ANKFY1: variants seen among roughly 807,000 people sequenced by gnomAD.
ANKFY1 encodes the protein ankyrin repeat and FYVE domain-containing protein 1.
In ANKFY1, 47 loss-of-function variants were observed where a neutral mutation model predicts 128.3. That is an observed-to-expected ratio of 0.37 (90% CI 0.29 to 0.47). ANKFY1 has a LOEUF of 0.47. Ranked by LOEUF, ANKFY1 falls within the 20% of genes least tolerant of loss-of-function variation. The pLI is 1.00. For synonymous variants in ANKFY1, 553 were observed against 601.6 expected (o/e 0.92, Z 1.18); for missense variants, 1,222 against 1,510.6 (o/e 0.81, Z 3.17).
In ANKFY1 at chr17:4,194,992, G is replaced by A. The variant is rs770696002; in HGVS notation, c.1358C>T (p.Pro453Leu). The A allele has an allele frequency of 2.5e-6, 4 of 1,614,214 alleles. No individual in the cohort carries two copies. In the South Asian group the frequency reaches 3.3e-5, roughly 13 times the overall value. ...LIQRGSHTDA[P>L]DTATGNCLLQ... ...ACGTGCTTTACCTGTCGCCGTGTCA[G>A]GTGCGTCTGTGTGGCTGCCGCGCTG... The change falls in exon 10 of 25, where the codon CCT becomes CTT. Residue 453 changes from proline to leucine, a missense_variant. Transcript: ENST00000341657.
chr17:4,179,123 G>A, intron 17 of ANKFY1, 66 bp from the exon 18 acceptor site: 2 of 1,528,460 alleles, frequency 1.3e-6, no homozygotes. Flanking sequence ...ATATGAAAGG[G>A]TATAACTTTT....
intron 7 of ANKFY1, among the ~76,000 whole-genome samples, chr17:4,200,719 CA>C (rs1192276714): frequency 6.6e-6 from 1 of 152,180 alleles, no homozygotes. Context: ...TGGATCTTTC[CA>C]TAGGATGTGC....
intron 11 of ANKFY1, among the ~76,000 whole-genome samples, chr17:4,185,657 C>T (rs552397487): frequency 6.6e-6 from 1 of 152,200 alleles, no homozygotes; most frequent in East Asian, 1.9e-4. Context: ...TCAGTGTCTT[C>T]CCCAAGCACC....
intron 19 of ANKFY1, among the ~76,000 whole-genome samples, 178 bp downstream of exon 19, chr17:4,176,948 T>C (rs1170200019): frequency 6.6e-6 from 1 of 152,210 alleles, no homozygotes; most frequent in Non-Finnish European, 1.5e-5. Flanking sequence ...CGCAGCCCAG[T>C]GGGGCGCTCA....
intron 7 of ANKFY1, among the ~76,000 whole-genome samples, chr17:4,199,631 C>T (rs1052100672): frequency 1.3e-5 from 2 of 152,174 alleles, no homozygotes. Flanking sequence ...TGTGAAAATA[C>T]TTTGTCAGAC....
chr17:4,173,789 C>T, intron 20 of ANKFY1, 120 bp downstream of exon 20: 1 of 1,356,708 alleles, frequency 7.4e-7, no homozygotes, highest in South Asian at 1.4e-5. Context: ...CACTTCCTGT[C>T]ACAGCTTTGC....
chr17:4,197,387 C>T lies in ANKFY1; in HGVS notation c.1089G>A (p.Gln363=). ...CCCCAGCTTACCTCCCCTTGCTGTC[C>T]TGCATGTTGGGGTTGGCACCAGCCT... ...LLQAGANPNM[Q]DSKGRTPLHV... is the part of the protein sequence containing the mutation. The change falls in exon 8 of 25, where the codon CAG becomes CAA. Residue 363 remains glutamine (Q), a synonymous_variant. Transcript: ENST00000341657. The T allele has an allele frequency of 6.2e-7, 1 of 1,614,214 alleles. No homozygotes were observed. The highest frequency in any genetic ancestry group is 8.5e-7 in the Non-Finnish European group (1 of 1,180,042).
chr17:4,208,432 G>A (rs9906524), intron 5 of ANKFY1, among the ~76,000 whole-genome samples: 47,989 of 151,916 alleles, frequency 0.32, 8,229 homozygotes, highest in Admixed American at 0.39. Flanking sequence ...ACAGGAATGC[G>A]CCCCAAGGGA....
At chr17:4,172,407 A>T in intron 22 of ANKFY1, 149 bp downstream of exon 22, 1 of 1,106,586 alleles carries the variant, frequency 9.0e-7, no homozygotes, top group Non-Finnish European at 1.3e-6. Flanking sequence ...AGACTCCACA[A>T]CAGGGCTCTG....
intron 17 of ANKFY1, 98 bp downstream of exon 17, chr17:4,179,623 G>A (rs149807380): frequency 6.1e-5 from 89 of 1,462,362 alleles, no homozygotes; most frequent in African/African-American, 9.9e-5. Context: ...AAGCAGCAGC[G>A]CCTGGAACTG....
Position 4,202,159 on chromosome 17 carries a change from T to C in ANKFY1, c.898+4162A>G, listed in dbSNP as rs139477618. Among the ~76,000 whole-genome samples the C allele has an allele frequency of 4.9e-3, 750 of 152,024 alleles. 5 individuals carry two copies. The highest frequency in any genetic ancestry group is 0.018 in the African/African-American group (729 of 41,450). ...GGCTCCTGACTGTAATCCCAGCACT[T>C]TGGGAGGCCGAGGCGGGCATTTCAC... On this transcript the variant is annotated intron_variant, in intron 7 of 24. Transcript: ENST00000341657.
intron 1 of ANKFY1, among the ~76,000 whole-genome samples, chr17:4,245,195 T>C (rs1178663703): frequency 6.6e-6 from 1 of 152,182 alleles, no homozygotes; most frequent in African/African-American, 2.4e-5. Context: ...CTTTTCTTTT[T>C]CTTTTTAAAG....
chr17:4,223,870 T>G, intron 3 of ANKFY1: 2 of 875,448 alleles, frequency 2.3e-6, no homozygotes. Context: ...GAAAGGTGCC[T>G]GTCATGGATG....
rs184087020 is a variant in ANKFY1 at position 4,223,516 on chromosome 17, A to C, written c.323-6398T>G. ...TCACTGTCTGGGGGACAATGAAAACAGGCCAGTTTGTTGGATGGCTCTTGA... is the reference window on the plus strand; with the variant it reads ...TCACTGTCTGGGGGACAATGAAAACCGGCCAGTTTGTTGGATGGCTCTTGA... On this transcript the variant is annotated intron_variant, in intron 3 of 24. Transcript: ENST00000341657. 2.0e-4 allele frequency: 237 copies of C among 1,188,348 alleles called. No homozygotes were observed. In the African/African-American group the frequency reaches 3.1e-3, roughly 15 times the overall value. The allele number at this position is 1,188,348 out of a possible 1,614,324, so 73.6% of individuals were successfully genotyped here.
At chr17:4,192,938 A>C (rs12950952) in intron 10 of ANKFY1, among the ~76,000 whole-genome samples, 143,323 of 152,128 alleles carry the variant, frequency 0.94, 68,127 homozygotes, top group Non-Finnish European at 1. Flanking sequence ...AAAATGAAAT[A>C]TATCAATAGA....
intron 2 of ANKFY1, among the ~76,000 whole-genome samples, chr17:4,236,123 C>T (rs558016664): frequency 1.3e-5 from 2 of 152,302 alleles, no homozygotes; most frequent in South Asian, 4.1e-4. Context: ...ACATGGCATG[C>T]GCTGCTTTCA....
chr17:4,236,861 C>A (rs1381297076), intron 2 of ANKFY1, among the ~76,000 whole-genome samples: 1 of 151,996 alleles, frequency 6.6e-6, no homozygotes, highest in Non-Finnish European at 1.5e-5. Context: ...AAACCCAAGC[C>A]AGGCGTGGGG....
At chr17:4,234,469 C>T (rs934982325) in intron 3 of ANKFY1, among the ~76,000 whole-genome samples, 2 of 151,804 alleles carry the variant, frequency 1.3e-5, no homozygotes, top group Non-Finnish European at 2.9e-5. Context: ...TGACATAAAA[C>T]AAGTAACATT....
chr17:4,251,749 C>T (rs1378202363), intron 1 of ANKFY1, among the ~76,000 whole-genome samples: 1 of 151,704 alleles, frequency 6.6e-6, no homozygotes, highest in Non-Finnish European at 1.5e-5. Context: ...TGCAAAACAT[C>T]CAACAAAAAA....
Sources: allele counts gnomAD v4.1 joint callset (sites outside exome capture counted in the v4.1 genomes callset), GRCh38; gene constraint gnomAD v4.1.1; transcripts MANE v1.5; gene names NCBI Gene and HGNC (gene_info 2026-07-23, HGNC 2026-07-21).